SPHK2: variants seen among roughly 807,000 people sequenced by gnomAD.
SPHK2 encodes sphingosine kinase 2.
In SPHK2, 18 loss-of-function variants were observed where a neutral mutation model predicts 32.3. The observed-to-expected ratio is 0.56, with a 90% CI of 0.39 to 0.83. The LOEUF (loss-of-function observed/expected upper bound fraction) is 0.83, where lower values mean the gene tolerates loss of function less well. SPHK2 is among the 40% of genes least tolerant of loss of function. The pLI is 0.00. For missense variants in SPHK2, 850 were observed against 908.7 expected (o/e 0.94, Z 0.83); for synonymous variants, 462 against 417.6 (o/e 1.11, Z -1.30).
Position 48,630,071 on chromosome 19 carries a change from T to G in SPHK2, c.*298T>G. 7.8e-7 allele frequency: 1 copy of G among 1,280,216 alleles called. No homozygotes were observed. The highest frequency in any genetic ancestry group is 9.9e-7 in the Non-Finnish European group (1 of 1,013,542). The allele number at this position is 1,280,216 out of a possible 1,614,324, so 79.3% of individuals were successfully genotyped here. On this transcript the variant is annotated 3_prime_UTR_variant, in exon 7 of 7. Transcript: ENST00000245222. The surrounding 1 kb of genome is among the most constrained non-coding windows in gnomAD (Gnocchi z 4.9). ...AGTCCTGACGCTTGCCACCTGCTCC[T>G]ACCCGGCCAGGATGGCTGAGGGCGG... is the stretch of plus-strand genomic sequence containing the variant.
chr19:48,627,846 G>C lies in SPHK2; in HGVS notation c.661+5G>C, dbSNP rs368491745. ...CCTTCAACCTCATCCAGACAGGTAA[G>C]GGCCAGTGAGAATGGGAGCTGGGGG... On this transcript the variant is annotated splice_donor_5th_base_variant and intron_variant, in intron 4 of 6. Coordinates refer to ENST00000245222, the MANE Select transcript of SPHK2 (RefSeq NM_020126.5). 2.5e-6 allele frequency: 4 copies of C among 1,607,194 alleles called. No individual in the cohort carries two copies. The highest frequency in any genetic ancestry group is 3.4e-6 in the Non-Finnish European group (4 of 1,176,264).
intron 2 of SPHK2, chr19:48,625,198 A>C: frequency 9.7e-7 from 1 of 1,027,820 alleles, no homozygotes; most frequent in Non-Finnish European, 1.2e-6. Context: ...CCTGCCTCGT[A>C]CCCCTCCTAT....
At chr19:48,620,693 G>T (rs550045603) in intron 2 of SPHK2, 140 bp downstream of exon 2, 2 of 685,538 alleles carry the variant, frequency 2.9e-6, no homozygotes, top group Admixed American at 5.9e-5. Flanking sequence ...GGAGGCCAAG[G>T]CCTGCGGATC....
At position 48,628,879 on chromosome 19, in the gene SPHK2, C is replaced by T; in HGVS notation, c.1071C>T (p.Arg357=). 2 of 1,613,734 alleles carry T rather than the reference C, an allele frequency of 1.2e-6. No homozygotes were observed. The highest frequency in any genetic ancestry group is 8.5e-7 in the Non-Finnish European group (1 of 1,180,018). The change falls in exon 7 of 7, where the codon CGC becomes CGT. Residue 357 remains arginine (R), a synonymous_variant. Coordinates refer to ENST00000245222, the MANE Select transcript of SPHK2 (RefSeq NM_020126.5). This position sits in a 1 kb window ranked among gnomAD's most constrained non-coding sequence, Gnocchi z 5.2. ...GCTTCAGGGCCTTGGGCAGTGCCCG[C>T]TTCACACTGGGCACGGTGCTGGGCC... ...SERFRALGSA[R]FTLGTVLGLA...
chr19:48,620,848 C>T lies in SPHK2; in HGVS notation c.39+295C>T, dbSNP rs181598787. On this transcript the variant is annotated intron_variant, in intron 2 of 6. Transcript: ENST00000245222. ...CTGAGGCAGGAGAATCATTTGAACC[C>T]GGGAGGCAGAGGTTGCAGTGAGCCG... 3.8e-3 allele frequency: 1,019 copies of T among 266,280 alleles called. 8 individuals carry two copies. The highest frequency in any genetic ancestry group is 0.015 in the Middle Eastern group (11 of 752). The allele number at this position is 266,280 out of a possible 1,614,324, so 16.5% of individuals were successfully genotyped here.
In SPHK2 at chr19:48,629,292, C is replaced by G; in HGVS notation, c.1484C>G (p.Pro495Arg). 1 of 1,613,630 alleles carries G rather than the reference C, an allele frequency of 6.2e-7. No homozygotes were observed. The highest frequency in any genetic ancestry group is 1.1e-5 in the South Asian group (1 of 91,090). ...TCCGAAGGGGCCCCCGTAATTCCCC[C>G]ATCCTCTGGGCTCCCACTTCCCACC... ...PVSEGAPVIP[P>R]SSGLPLPTPD... Residue 495 changes from proline (P) to arginine (R), a missense_variant, in exon 7 of 7, where the codon CCA becomes CGA. By Grantham distance (103) the Pro-to-Arg change is moderately radical (BLOSUM62 -2). This residue lies in a region of SPHK2 where 306 missense variants were observed against 268.6 expected (regional missense o/e 1.14). Coordinates refer to ENST00000245222, the MANE Select transcript of SPHK2 (RefSeq NM_020126.5).
Position 48,628,608 on chromosome 19 carries a change from T to A in SPHK2, c.873-73T>A. ...CTTCGTGGTCTCATTGCCAGCTGCT[T>A]TCCTACCTGTCTCTTTCCCCAACCC... On this transcript the variant is annotated intron_variant, in intron 6 of 6. Coordinates refer to ENST00000245222, the MANE Select transcript of SPHK2 (RefSeq NM_020126.5). This position sits in a 1 kb window ranked among gnomAD's most constrained non-coding sequence, Gnocchi z 5.2. 6.4e-7 allele frequency: 1 copy of A among 1,567,852 alleles called. No individual in the cohort carries two copies. The highest frequency in any genetic ancestry group is 8.7e-7 in the Non-Finnish European group (1 of 1,155,222).
At position 48,629,285 on chromosome 19, in the gene SPHK2, A is replaced by G. The variant is rs1201375005; in HGVS notation, c.1477A>G (p.Ile493Val). 5 of 1,613,446 alleles carry G rather than the reference A, an allele frequency of 3.1e-6. No individual in the cohort carries two copies. Among genetic ancestry groups the G allele is most frequent in the Non-Finnish European group, 4.2e-6 (5 of 1,179,916 alleles). The change falls in exon 7 of 7, where the codon ATT becomes GTT. Residue 493 changes from isoleucine (I) to valine (V), a missense_variant. This residue lies in a region of SPHK2 where 306 missense variants were observed against 268.6 expected (regional missense o/e 1.14). Transcript: ENST00000245222. ...HSPVSEGAPVIPPSSGLPLPT... is the reference protein window; with the variant it reads ...HSPVSEGAPVVPPSSGLPLPT... ...ACCCGTCTCCGAAGGGGCCCCCGTA[A>G]TTCCCCCATCCTCTGGGCTCCCACT...
Position 48,620,542 on chromosome 19 carries a change from C to A in SPHK2, c.28C>A (p.Gln10Lys). MNGHLEAEE[Q>K]QDQRPDQELT... ...GAATGGACACCTTGAAGCAGAGGAG[C>A]AGCAGGACCAGGTAAGGGACCATCT... is the stretch of plus-strand genomic sequence containing the variant. The change falls in exon 2 of 7, where the codon CAG (glutamine) becomes AAG (lysine). Residue 10 changes from glutamine (Q) to lysine (K), a missense_variant. By Grantham distance (53) the Gln-to-Lys change is moderately conservative. Coordinates refer to ENST00000245222, the MANE Select transcript of SPHK2 (RefSeq NM_020126.5). 2 of 1,612,562 alleles carry A rather than the reference C, an allele frequency of 1.2e-6. No individual in the cohort carries two copies. Among genetic ancestry groups the A allele is most frequent in the East Asian group, 2.2e-5 (1 of 44,844 alleles).
In SPHK2 at chr19:48,629,260, A is replaced by C. The variant is rs772309224; in HGVS notation, c.1452A>C (p.Ser484=). 1.2e-6 allele frequency: 2 copies of C among 1,613,138 alleles called. No homozygotes were observed. Among genetic ancestry groups the C allele is most frequent in the Non-Finnish European group, 1.7e-6 (2 of 1,179,872 alleles). ...GCTCTCCCAAGGCAGCTCTACACTC[A>C]CCCGTCTCCGAAGGGGCCCCCGTAA... The part of the protein sequence containing the change: ...PPGSPKAALH[S]PVSEGAPVIP... Residue 484 remains serine (S), a synonymous_variant, in exon 7 of 7, where the codon TCA becomes TCC. Transcript: ENST00000245222.
chr19:48,628,513 A>T lies in SPHK2; in HGVS notation c.873-168A>T. ...AATTGTAGGGAGCAAATGAAAGATGACCAGGAACCTGGCCCCGTAAGGAGT... is the reference window on the plus strand; with the variant it reads ...AATTGTAGGGAGCAAATGAAAGATGTCCAGGAACCTGGCCCCGTAAGGAGT... On this transcript the variant is annotated intron_variant, in intron 6 of 6. Coordinates refer to ENST00000245222, the MANE Select transcript of SPHK2 (RefSeq NM_020126.5). This position sits in a 1 kb window ranked among gnomAD's most constrained non-coding sequence, Gnocchi z 5.2. 2.2e-6 allele frequency: 2 copies of T among 918,200 alleles called. No individual in the cohort carries two copies. Among genetic ancestry groups the T allele is most frequent in the Non-Finnish European group, 3.5e-6 (2 of 572,124 alleles). 56.9% of individuals were successfully genotyped at this position (918,200 alleles called of 1,614,324 possible). A position where few individuals can be genotyped will look rare whatever the true frequency, so the allele number is the denominator to read the frequency against.
In SPHK2 at chr19:48,629,350, C is replaced by T. The variant is rs2030347967; in HGVS notation, c.1542C>T (p.Gly514=). The change falls in exon 7 of 7, where the codon GGC becomes GGT. Residue 514 remains glycine, a synonymous_variant. Coordinates refer to ENST00000245222, the MANE Select transcript of SPHK2 (RefSeq NM_020126.5). The part of the protein sequence containing the change: ...PDARVGASTC[G]PPDHLLPPLG... ...CCCGGGTAGGGGCCTCCACCTGCGGCCCGCCCGACCACCTGCTGCCTCCGC... is the reference window on the plus strand; with the variant it reads ...CCCGGGTAGGGGCCTCCACCTGCGGTCCGCCCGACCACCTGCTGCCTCCGC... 1 of 1,612,598 alleles carries T rather than the reference C, an allele frequency of 6.2e-7. No homozygotes were observed. Among genetic ancestry groups the T allele is most frequent in the South Asian group, 1.1e-5 (1 of 91,058 alleles).
intron 2 of SPHK2, among the ~76,000 whole-genome samples, chr19:48,622,122 T>TC (rs1166677630): frequency 1.3e-5 from 2 of 152,018 alleles, no homozygotes; most frequent in Non-Finnish European, 2.9e-5. Flanking sequence ...CCGGGCATGG[T>TC]GGCGCGCGCC....
chr19:48,619,553 C>T lies in SPHK2; in HGVS notation c.-114+10C>T. 8.9e-6 allele frequency: 2 copies of T among 224,268 alleles called. No homozygotes were observed. The highest frequency in any genetic ancestry group is 5.3e-5 in the Admixed American group (1 of 18,812). The allele number at this position is 224,268 out of a possible 1,614,324, so 13.9% of individuals were successfully genotyped here. ...GGGCCCAGTGTTGGAGGTGAGGAGG[C>T]GGGGCTGGCAGGGCTAGTCGGGGCA... On this transcript the variant is annotated intron_variant, in intron 1 of 6. Transcript: ENST00000245222.
intron 2 of SPHK2, chr19:48,625,559 A>G (rs1447807216): frequency 2.0e-5 from 27 of 1,341,218 alleles, no homozygotes; most frequent in East Asian, 6.8e-5. Context: ...TTGTTTATCT[A>G]TTCCTATGAA....
chr19:48,625,481 C>T (rs1427458679), intron 2 of SPHK2: 1 of 1,216,150 alleles, frequency 8.2e-7, no homozygotes, highest in East Asian at 5.3e-5. Context: ...CATTCCCCTT[C>T]CTGTGCCTTC....
intron 2 of SPHK2, chr19:48,624,923 A>G: frequency 1.0e-6 from 1 of 979,718 alleles, no homozygotes; most frequent in Non-Finnish European, 1.2e-6. Context: ...TGTGAGGGGC[A>G]GGACTGGCAG....
Position 48,629,808 on chromosome 19 carries a change from C to A in SPHK2, c.*35C>A. ...AGCTTGGTACCCGCCGGGGGCGGGG[C>A]CTACATTCCAATGGGGCGGAGCCTG... On this transcript the variant is annotated 3_prime_UTR_variant, in exon 7 of 7. Coordinates refer to ENST00000245222, the MANE Select transcript of SPHK2 (RefSeq NM_020126.5). 6.6e-7 allele frequency: 1 copy of A among 1,526,430 alleles called. No homozygotes were observed. Among genetic ancestry groups the A allele is most frequent in the Admixed American group, 2.1e-5 (1 of 47,224 alleles). 94.6% of individuals were successfully genotyped at this position (1,526,430 alleles called of 1,614,324 possible). A position where few individuals can be genotyped will look rare whatever the true frequency, so the allele number is the denominator to read the frequency against.
Position 48,630,057 on chromosome 19 carries a change from T to C in SPHK2, c.*284T>C, listed in dbSNP as rs183611998. On this transcript the variant is annotated 3_prime_UTR_variant, in exon 7 of 7. Transcript: ENST00000245222. This position sits in a 1 kb window ranked among gnomAD's most constrained non-coding sequence, Gnocchi z 4.9. ...ACGGGGCAGGGCTCAGTCCTGACGC[T>C]TGCCACCTGCTCCTACCCGGCCAGG... 1.2e-3 allele frequency: 1,490 copies of C among 1,291,938 alleles called. No homozygotes were observed. Among genetic ancestry groups the C allele is most frequent in the Non-Finnish European group, 1.4e-3 (1,384 of 1,020,802 alleles). 80.0% of individuals were successfully genotyped at this position (1,291,938 alleles called of 1,614,324 possible).
Sources: allele counts gnomAD v4.1 joint callset (sites outside exome capture counted in the v4.1 genomes callset), GRCh38; gene constraint gnomAD v4.1.1; regional missense constraint gnomAD v4.1.1; non-coding constraint Gnocchi (gnomAD v3.1); transcripts MANE v1.5; gene names NCBI Gene and HGNC (gene_info 2026-07-23, HGNC 2026-07-21).